The following LANCL3 variants were observed in gnomAD, a reference collection of about 807,000 sequenced individuals.
The protein encoded by LANCL3 is lanC-like protein 3.
A neutral mutation model predicts 26.5 loss-of-function variants in LANCL3; 19 were observed. The ratio of observed to expected loss-of-function variants is 0.72; its 90% CI spans 0.50 to 1.05. LANCL3 has a LOEUF of 1.05. LANCL3 is among the 50% of genes least tolerant of loss of function. The pLI, the probability that LANCL3 is intolerant of heterozygous loss-of-function variation, is 0.00. For synonymous variants in LANCL3, 160 were observed against 166.6 expected, an observed-to-expected ratio of 0.96 and a Z score of 0.30; for missense variants, 318 against 362.7, an observed-to-expected ratio of 0.88 and a Z score of 1.00.
intron 1 of LANCL3, among the ~76,000 whole-genome samples, chrX:37,622,552 C>T (rs1043455089): frequency 8.9e-6 from 1 of 111,805 alleles, no homozygotes; most frequent in African/African-American, 3.2e-5. Context: ...CATCTGGTAG[C>T]ACAAAATTTT....
chrX:37,647,029 A>C (rs1266038812), intron 1 of LANCL3, among the ~76,000 whole-genome samples: 1 of 112,263 alleles, frequency 8.9e-6, no homozygotes, highest in African/African-American at 3.2e-5. Context: ...AAAAATACCC[A>C]GGAGGCTGGG....
chrX:37,643,989 ATAAG>A (rs1925931207), intron 1 of LANCL3, among the ~76,000 whole-genome samples: 1 of 112,176 alleles, frequency 8.9e-6, no homozygotes. Flanking sequence ...CTAAGAAAGA[ATAAG>A]TAACTCACAA....
chrX:37,636,713 T>C (rs1421866034), intron 1 of LANCL3, among the ~76,000 whole-genome samples: 6 of 111,723 alleles, frequency 5.4e-5, no homozygotes, highest in Non-Finnish European at 1.1e-4. Context: ...TTGCAGTCCA[T>C]TTAGAAAGTA....
In LANCL3 at chrX:37,600,279, T is replaced by G. The variant is rs782140815; in HGVS notation, c.573+27836T>G. ...TGTTAATCTCATACTATGACAAATT[T>G]ATAAATTAAACTTTATTGTAGGTAG... On this transcript the variant is annotated intron_variant, in intron 1 of 4. Coordinates refer to ENST00000378619, the MANE Select transcript of LANCL3 (RefSeq NM_001170331.2). Among the ~76,000 whole-genome samples the G allele has an allele frequency of 7.1e-5, 8 of 112,386 alleles. 1 individual carries two copies. The highest frequency in any genetic ancestry group is 2.6e-4 in the African/African-American group (8 of 30,949).
At chrX:37,653,221 G>A (rs1298141603) in intron 1 of LANCL3, among the ~76,000 whole-genome samples, 2 of 110,801 alleles carry the variant, frequency 1.8e-5, no homozygotes, top group Admixed American at 1.9e-4. Context: ...AAGGGGGAGG[G>A]CACCACATAT....
chrX:37,621,734 C>G (rs1222547118), intron 1 of LANCL3, among the ~76,000 whole-genome samples: 2 of 111,931 alleles, frequency 1.8e-5, no homozygotes, highest in African/African-American at 3.2e-5. Context: ...ACCCTGAACT[C>G]CAAGTGGCCC....
intron 1 of LANCL3, among the ~76,000 whole-genome samples, chrX:37,636,617 C>T (rs1225419193): frequency 1.8e-5 from 2 of 112,364 alleles, no homozygotes; most frequent in Non-Finnish European, 1.9e-5. Context: ...TTTCTCACCT[C>T]GTAGAATACA....
intron 1 of LANCL3, among the ~76,000 whole-genome samples, chrX:37,594,264 TAATTATA>T (rs1401653477): frequency 1.8e-5 from 2 of 112,443 alleles, no homozygotes; most frequent in Non-Finnish European, 3.8e-5. Flanking sequence ...GATAAACTGA[TAATTATA>T]TAGAACACTA....
intron 1 of LANCL3, among the ~76,000 whole-genome samples, chrX:37,624,124 G>A (rs1925245069): frequency 9.0e-6 from 1 of 111,288 alleles, no homozygotes; most frequent in Non-Finnish European, 1.9e-5. Context: ...TTGGAATTAA[G>A]ACAATTTTTT....
In LANCL3 at chrX:37,678,866, ATTTC is replaced by A. The variant is rs1317083688; in HGVS notation, c.*3057_*3060del. On this transcript the variant is annotated 3_prime_UTR_variant, in exon 5 of 5. Coordinates refer to ENST00000378619, the MANE Select transcript of LANCL3 (RefSeq NM_001170331.2). The stretch of plus-strand genomic sequence containing the variant: ...ATTGCATCTCTTCCAGTGGCAGCTT[ATTTC>A]TTTAACTTTTTTGACATATTAAGAT... 20 of 111,979 alleles carry A rather than the reference ATTTC, an allele frequency of 1.8e-4. No individual in the cohort carries two copies. The highest frequency in any genetic ancestry group is 6.5e-4 in the African/African-American group (20 of 30,828). The allele number at this position is 111,979 out of a possible 1,213,427, so 9.2% of individuals were successfully genotyped here.
At chrX:37,588,759 A>G (rs1376832234) in intron 1 of LANCL3, among the ~76,000 whole-genome samples, 1 of 112,476 alleles carries the variant, frequency 8.9e-6, no homozygotes, top group Non-Finnish European at 1.9e-5. Context: ...TCTGGGTCAT[A>G]AAGAAGCGGT....
chrX:37,675,743 C>T lies in LANCL3; in HGVS notation c.1193C>T (p.Thr398Ile). ...AGCTTGTATGAAGGCTTCTCTGGGA[C>T]AGTGTGCTTTCTGATTGACCTGCTG... is the stretch of plus-strand genomic sequence containing the variant. ...IYSLYEGFSG[T>I]VCFLIDLLQP... Residue 398 changes from threonine to isoleucine, a missense_variant, in exon 5 of 5, where the codon ACA (threonine) becomes ATA (isoleucine). By Grantham distance (89) the Thr-to-Ile change is moderately conservative (BLOSUM62 -1). Transcript: ENST00000378619. The T allele has an allele frequency of 8.6e-7, 1 of 1,161,951 alleles. No homozygotes were observed. Among genetic ancestry groups the T allele is most frequent in the East Asian group, 3.3e-5 (1 of 30,633 alleles).
At position 37,667,288 on chromosome X, in the gene LANCL3, CCTAT is replaced by C. The variant is rs782563517; in HGVS notation, c.905_908del (p.Tyr302CysfsTer31). 3.6e-6 allele frequency: 4 copies of C among 1,111,273 alleles called. No homozygotes were observed. The highest frequency in any genetic ancestry group is 3.3e-5 in the East Asian group (1 of 30,094). 91.6% of individuals were successfully genotyped at this position (1,111,273 alleles called of 1,213,427 possible). ...ATCTTTGATGTTTTCACAGGAATTG[CCTAT>C]CTGTTTGCCAAAGCTTATCTGGTTT... On this transcript the variant is annotated frameshift_variant, in exon 4 of 5. Coordinates refer to ENST00000378619, the MANE Select transcript of LANCL3 (RefSeq NM_001170331.2). LOFTEE classifies it high-confidence loss of function.
At chrX:37,630,054 T>G (rs1305242791) in intron 1 of LANCL3, among the ~76,000 whole-genome samples, 9 of 111,962 alleles carry the variant, frequency 8.0e-5, no homozygotes, top group Non-Finnish European at 1.3e-4. Context: ...ATGGCCATTT[T>G]CACGATATTG....
intron 1 of LANCL3, among the ~76,000 whole-genome samples, chrX:37,590,854 T>A (rs1602097822): frequency 1.8e-5 from 2 of 111,833 alleles, no homozygotes; most frequent in East Asian, 5.6e-4. Context: ...CTCCCTAAAT[T>A]TCTGGAGATG....
In LANCL3 at chrX:37,655,823, T is replaced by C. The variant is rs1556430656; in HGVS notation, c.697+12T>C. ...AACCGAATACTTGGGTAAGTGAAGG[T>C]GTTTGCATGGGCCTGTAGGAAGGAG... On this transcript the variant is annotated intron_variant, in intron 2 of 4. Transcript: ENST00000378619. The C allele has an allele frequency of 2.5e-6, 3 of 1,201,402 alleles. No individual in the cohort carries two copies. The highest frequency in any genetic ancestry group is 1.8e-5 in the South Asian group (1 of 55,883).
At chrX:37,631,629 C>T (rs1350817976) in intron 1 of LANCL3, among the ~76,000 whole-genome samples, 2 of 111,149 alleles carry the variant, frequency 1.8e-5, no homozygotes, top group African/African-American at 3.3e-5. Context: ...TTGAATGTGT[C>T]CCAGAGATTC....
intron 1 of LANCL3, among the ~76,000 whole-genome samples, chrX:37,634,576 C>T (rs968696787): frequency 2.7e-5 from 3 of 112,754 alleles, no homozygotes; most frequent in Admixed American, 9.3e-5. Context: ...TCCTGTTCAG[C>T]CATCTTGGCT....
intron 1 of LANCL3, among the ~76,000 whole-genome samples, chrX:37,650,926 G>A (rs184878798): frequency 0.016 from 1,320 of 85,161 alleles, 34 homozygotes; most frequent in African/African-American, 0.058. Context: ...TCCCCACCTT[G>A]TGTCCAGGTG....
Sources: allele counts gnomAD v4.1 joint callset (sites outside exome capture counted in the v4.1 genomes callset), GRCh38; gene constraint gnomAD v4.1.1; transcripts MANE v1.5; gene names NCBI Gene and HGNC (gene_info 2026-07-23, HGNC 2026-07-21).